IFIT1: variants seen among roughly 807,000 people sequenced by gnomAD.
IFIT1 encodes the protein antiviral innate immune response effector IFIT1.
A neutral mutation model predicts 2.5 loss-of-function variants in IFIT1; 1 was observed. That is an observed-to-expected ratio of 0.40 (90% CI 0.14 to 1.92). The LOEUF is 1.92. Among genes scored for constraint, IFIT1 ranks in the 40% most tolerant of loss-of-function variants. The pLI is 0.31. For missense variants in IFIT1, 508 were observed against 557.8 expected, an observed-to-expected ratio of 0.91 and a Z score of 0.90; for synonymous variants, 191 against 201.7, an observed-to-expected ratio of 0.95 and a Z score of 0.45.
Position 89,394,029 on chromosome 10 carries a change from T to A in IFIT1, c.5+1312T>A, listed in dbSNP as rs572877885. ...TCTCAAAAGATACTTATAAGGCAGG[T>A]ACTTACACAGTCATGCATCGTGTAA... On this transcript the variant is annotated intron_variant, in intron 1 of 1. Coordinates refer to ENST00000371804, the MANE Select transcript of IFIT1 (RefSeq NM_001548.5). Among the ~76,000 whole-genome samples, 29 of 152,336 alleles carry A rather than the reference T, an allele frequency of 1.9e-4. 2 individuals are homozygous for A. The highest frequency in any genetic ancestry group is 3.4e-3 in the Middle Eastern group (1 of 294).
In IFIT1 at chr10:89,402,557, T is replaced by A. The variant is rs769457925; in HGVS notation, c.282T>A (p.Ser94Arg). 3 of 1,613,812 alleles carry A rather than the reference T, an allele frequency of 1.9e-6. No homozygotes were observed. The East Asian group carries it at 6.7e-5, about 36-fold the overall frequency. ...EEHDNQANVR[S>R]LVTWGNFAWM... ...ATGACAACCAAGCAAATGTGAGGAG[T>A]CTGGTGACCTGGGGCAACTTTGCCT... The change falls in exon 2 of 2, where the codon AGT becomes AGA. Residue 94 changes from serine to arginine, a missense_variant. Transcript: ENST00000371804.
At chr10:89,401,180 G>A (rs937335566) in intron 1 of IFIT1, among the ~76,000 whole-genome samples, 5 of 150,766 alleles carry the variant, frequency 3.3e-5, no homozygotes, top group African/African-American at 4.9e-5. Flanking sequence ...GCAGTGGCGC[G>A]ATCTCAGCTC....
chr10:89,402,235 T>C (rs1158848914), intron 1 of IFIT1, 46 bp from the exon 2 acceptor site: 2 of 1,262,790 alleles, frequency 1.6e-6, no homozygotes, highest in Non-Finnish European at 2.2e-6. Flanking sequence ...TTTTTTCTTT[T>C]AGCTGTTCCT....
At chr10:89,392,984 A>C (rs759542278) in intron 1 of IFIT1, 2 of 694,198 alleles carry the variant, frequency 2.9e-6, no homozygotes, top group Non-Finnish European at 2.2e-6. Context: ...AAATGGGAAA[A>C]GAGTTTTGCA....
rs200260364 is a variant in IFIT1 at position 89,403,027 on chromosome 10, C to T, written c.752C>T (p.Thr251Ile). 4 of 1,614,112 alleles carry T rather than the reference C, an allele frequency of 2.5e-6. No individual in the cohort carries two copies. Among genetic ancestry groups the T allele is most frequent in the Non-Finnish European group, 3.4e-6 (4 of 1,180,046 alleles). The change falls in exon 2 of 2, where the codon ACC becomes ATC. Residue 251 changes from threonine to isoleucine, a missense_variant. Physicochemically the swap from Thr to Ile is moderately conservative, Grantham distance 89 (BLOSUM62 -1). Transcript: ENST00000371804. Reference protein sequence around the residue: ...EEALANMSSQTYVFRYAAKFY... With the variant: ...EEALANMSSQIYVFRYAAKFY... ...GCTCTAGCCAACATGTCCTCACAGA[C>T]CTATGTCTTTCGATATGCAGCCAAG...
Position 89,403,160 on chromosome 10 carries a change from C to A in IFIT1, c.885C>A (p.Tyr295Ter). The change falls in exon 2 of 2, where the codon TAC (tyrosine) becomes TAA (stop). Residue 295 changes from tyrosine (Y) to a stop codon, truncating the protein, a stop_gained. Transcript: ENST00000371804. LOFTEE classifies it low-confidence loss of function (END_TRUNC). ...VLLHHQIGLC[Y>*]KAQMIQIKEA... is the part of the protein sequence containing the mutation. ...TGCATCACCAGATAGGGCTTTGCTA[C>A]AAGGCACAAATGATCCAAATCAAGG... 5.6e-6 allele frequency: 9 copies of A among 1,613,864 alleles called. No individual in the cohort carries two copies. The highest frequency in any genetic ancestry group is 7.6e-6 in the Non-Finnish European group (9 of 1,179,904).
chr10:89,396,311 G>T (rs1212308179), intron 1 of IFIT1, among the ~76,000 whole-genome samples: 1 of 152,138 alleles, frequency 6.6e-6, no homozygotes, highest in East Asian at 1.9e-4. Flanking sequence ...CTAAGGCTGG[G>T]CAATTTCTAA....
chr10:89,396,341 C>T lies in IFIT1; in HGVS notation c.5+3624C>T, dbSNP rs189073871. On this transcript the variant is annotated intron_variant, in intron 1 of 1. Transcript: ENST00000371804. ...TTCTAAAGAAAAAAGGTTTATTTAG[C>T]TCACAGTTCCGCAGCCCATACAAGA... 2.1e-4 allele frequency among the ~76,000 whole-genome samples: 32 copies of T among 152,282 alleles called. 2 individuals carry two copies. The highest frequency in any genetic ancestry group is 3.4e-3 in the Middle Eastern group (1 of 292).
intron 1 of IFIT1, among the ~76,000 whole-genome samples, chr10:89,398,212 G>A (rs1488365489): frequency 2.0e-5 from 3 of 152,188 alleles, no homozygotes; most frequent in Non-Finnish European, 4.4e-5. Context: ...CTATAACTCT[G>A]AGGCAGAGGG....
intron 1 of IFIT1, among the ~76,000 whole-genome samples, chr10:89,398,947 T>C: frequency 6.6e-6 from 1 of 152,188 alleles, no homozygotes; most frequent in East Asian, 1.9e-4. Context: ...TTCTGAGGAA[T>C]TACCATACCA....
chr10:89,404,060 CT>C lies in IFIT1; in HGVS notation c.*350del, dbSNP rs57941432. On this transcript the variant is annotated 3_prime_UTR_variant, in exon 2 of 2. Transcript: ENST00000371804. ...CTCCTCCACCAACTGAACAGACCCTCTTGGCCAAGGAGACCCCAGAAACCTT... is the reference window on the plus strand; with the variant it reads ...CTCCTCCACCAACTGAACAGACCCTCTGGCCAAGGAGACCCCAGAAACCTT... The C allele has an allele frequency of 0.25, 42,491 of 170,938 alleles. 5,546 individuals are homozygous for C. The highest frequency in any genetic ancestry group is 0.29 in the Middle Eastern group (113 of 392). 10.6% of individuals were successfully genotyped at this position (170,938 alleles called of 1,614,324 possible).
At chr10:89,394,587 TA>T in intron 1 of IFIT1, among the ~76,000 whole-genome samples, 1 of 18,748 alleles carries the variant, frequency 5.3e-5, no homozygotes, top group Admixed American at 4.8e-4. Context: ...AATATATATA[TA>T]TATATATATA....
At chr10:89,396,397 G>C (rs1031381296) in intron 1 of IFIT1, among the ~76,000 whole-genome samples, 1 of 152,194 alleles carries the variant, frequency 6.6e-6, no homozygotes, top group Non-Finnish European at 1.5e-5. Context: ...TCAGCTTCTG[G>C]TGAGGGCTTT....
At chr10:89,397,065 T>A (rs1844354489) in intron 1 of IFIT1, among the ~76,000 whole-genome samples, 1 of 152,234 alleles carries the variant, frequency 6.6e-6, no homozygotes, top group Non-Finnish European at 1.5e-5. Context: ...CAATTCACTT[T>A]TCTTGATATA....
chr10:89,398,704 GA>G (rs1844380102), intron 1 of IFIT1, among the ~76,000 whole-genome samples: 14 of 152,156 alleles, frequency 9.2e-5, no homozygotes, highest in Admixed American at 9.2e-4. Flanking sequence ...ACATGTATCA[GA>G]ATGTCTTTTC....
rs1218170228 is a variant in IFIT1 at position 89,402,392 on chromosome 10, C to A, written c.117C>A (p.Val39=). 1 of 1,614,002 alleles carries A rather than the reference C, an allele frequency of 6.2e-7. No individual in the cohort carries two copies. The highest frequency in any genetic ancestry group is 8.5e-7 in the Non-Finnish European group (1 of 1,179,988). ...DDEMPDLENR[V]LDQIEFLDTK... is the part of the protein sequence containing the mutation. ...AAATGCCTGATTTAGAAAACAGAGT[C>A]TTGGATCAGATTGAATTCCTAGACA... The change falls in exon 2 of 2, where the codon GTC becomes GTA. Residue 39 remains valine (V), a synonymous_variant. Transcript: ENST00000371804.
At chr10:89,400,388 T>C (rs934111332) in intron 1 of IFIT1, among the ~76,000 whole-genome samples, 2 of 152,236 alleles carry the variant, frequency 1.3e-5, no homozygotes, top group African/African-American at 2.4e-5. Flanking sequence ...CTTAATATTA[T>C]GTCTTCTAAT....
In IFIT1 at chr10:89,402,962, T is replaced by A. The variant is rs537837017; in HGVS notation, c.687T>A (p.Asp229Glu). Residue 229 changes from aspartate to glutamate, a missense_variant, in exon 2 of 2, where the codon GAT (aspartate) becomes GAA (glutamate). Physicochemically the swap from Asp to Glu is conservative, Grantham distance 45 (BLOSUM62 2). Transcript: ENST00000371804. ...TTCTCCTTGCCCTGAAGCTTCAGGATGAAGGACAGGAAGCTGAAGGAGAAA... is the reference window on the plus strand; with the variant it reads ...TTCTCCTTGCCCTGAAGCTTCAGGAAGAAGGACAGGAAGCTGAAGGAGAAA... ...IKVLLALKLQDEGQEAEGEKY... is the reference protein window; with the variant it reads ...IKVLLALKLQEEGQEAEGEKY... The A allele has an allele frequency of 2.5e-6, 4 of 1,614,118 alleles. No homozygotes were observed. Among genetic ancestry groups the A allele is most frequent in the Non-Finnish European group, 3.4e-6 (4 of 1,180,016 alleles).
chr10:89,400,673 G>A (rs1474737641), intron 1 of IFIT1, among the ~76,000 whole-genome samples: 1 of 152,092 alleles, frequency 6.6e-6, no homozygotes, highest in Non-Finnish European at 1.5e-5. Flanking sequence ...AGAATCCTTA[G>A]AATTTTCTAC....
Sources: allele counts gnomAD v4.1 joint callset (sites outside exome capture counted in the v4.1 genomes callset), GRCh38; gene constraint gnomAD v4.1.1; transcripts MANE v1.5; gene names NCBI Gene and HGNC (gene_info 2026-07-23, HGNC 2026-07-21).